PTK2: variants seen among roughly 807,000 people sequenced by gnomAD.
PTK2 encodes the protein protein tyrosine kinase 2.
Under a neutral mutation model 150.1 loss-of-function variants are expected in PTK2, and 45 were observed. The ratio of observed to expected loss-of-function variants is 0.30; its 90% CI spans 0.24 to 0.38. The LOEUF (loss-of-function observed/expected upper bound fraction) is 0.38, where lower values mean the gene tolerates loss of function less well. Ranked by LOEUF, PTK2 falls within the 10% of genes least tolerant of loss-of-function variation. PTK2 has a pLI of 1.00. For missense variants in PTK2, 919 were observed against 1,307.3 expected, an observed-to-expected ratio of 0.70 and a Z score of 4.58; for synonymous variants, 432 against 449.2, an observed-to-expected ratio of 0.96 and a Z score of 0.48.
intron 23 of PTK2, among the ~76,000 whole-genome samples, chr8:140,711,723 G>A (rs910299327): frequency 3.3e-5 from 5 of 152,136 alleles, no homozygotes; most frequent in East Asian, 1.9e-4. Context: ...TGTATTCATG[G>A]TGAGTCCACA....
intron 14 of PTK2, among the ~76,000 whole-genome samples, chr8:140,781,280 T>C: frequency 6.6e-6 from 1 of 152,220 alleles, no homozygotes; most frequent in East Asian, 1.9e-4. Flanking sequence ...TTGGGCTTTT[T>C]GTGTTTTAAT....
intron 26 of PTK2, among the ~76,000 whole-genome samples, chr8:140,697,028 G>A (rs1174681070): frequency 2.6e-5 from 4 of 151,316 alleles, no homozygotes; most frequent in Admixed American, 2.6e-4. Context: ...CAGCTACTTG[G>A]GAGGCTGAGG....
chr8:140,675,273 A>T (rs1432314685), intron 28 of PTK2, among the ~76,000 whole-genome samples, 187 bp downstream of exon 31: 1 of 150,930 alleles, frequency 6.6e-6, no homozygotes, highest in African/African-American at 2.4e-5. Flanking sequence ...CTGATGCATT[A>T]TACCAACAAA....
chr8:140,671,759 C>CAAAA (rs35706231), intron 29 of PTK2, among the ~76,000 whole-genome samples: 5 of 94,176 alleles, frequency 5.3e-5, no homozygotes, highest in African/African-American at 1.9e-4. Context: ...TAAAAATACC[C>CAAAA]AAAAAAAAAA....
At chr8:140,679,630 C>T (rs2100015959) in intron 27 of PTK2, among the ~76,000 whole-genome samples, 1 of 152,136 alleles carries the variant, frequency 6.6e-6, no homozygotes, top group Admixed American at 6.5e-5. Context: ...TAAACTGAGG[C>T]TAATAACACT....
At chr8:140,716,658 T>A (rs1050147963) in intron 23 of PTK2, among the ~76,000 whole-genome samples, 2 of 152,154 alleles carry the variant, frequency 1.3e-5, no homozygotes, top group African/African-American at 4.8e-5. Context: ...GATAAAAAAA[T>A]TGGTATATTT....
Position 140,890,635 on chromosome 8 carries a change from G to A in PTK2, c.103C>T (p.Arg35Ter). 1 of 1,613,938 alleles carries A rather than the reference G, an allele frequency of 6.2e-7. No homozygotes were observed. Among genetic ancestry groups the A allele is most frequent in the Non-Finnish European group, 8.5e-7 (1 of 1,179,976 alleles). ...AAATAATGAAAGACCTTTAATACTC[G>A]CTCCATTGCACCAGGAGAACGTTCC... The change falls in exon 3 of 32, where the codon CGA becomes TGA. Residue 35 changes from arginine (R) to a stop codon, truncating the protein, a stop_gained. Transcript: ENST00000522684. LOFTEE classifies it high-confidence loss of function.
intron 1 of PTK2, among the ~76,000 whole-genome samples, chr8:140,963,107 C>A (rs955124872): frequency 3.3e-5 from 5 of 152,032 alleles, no homozygotes; most frequent in Admixed American, 6.6e-5. Context: ...CACGCACGAA[C>A]CTTAAGGCCT....
chr8:140,828,528 C>A (rs1235642547), intron 8 of PTK2, among the ~76,000 whole-genome samples: 1 of 152,294 alleles, frequency 6.6e-6, no homozygotes, highest in East Asian at 1.9e-4. Context: ...GGAGACTTTG[C>A]AATAATTCTG....
At chr8:140,999,439 T>C (rs1484595848) in intron 1 of PTK2, among the ~76,000 whole-genome samples, 2 of 152,216 alleles carry the variant, frequency 1.3e-5, no homozygotes, top group Non-Finnish European at 2.9e-5. Flanking sequence ...TGATGGTAGG[T>C]TCAGCCTGTT....
chr8:140,982,081 A>AAAAAAAAAAC (rs144602670), intron 1 of PTK2, among the ~76,000 whole-genome samples: 1 of 146,574 alleles, frequency 6.8e-6, no homozygotes, highest in Non-Finnish European at 1.5e-5. Flanking sequence ...AAAAAAAAAA[A>AAAAAAAAAAC]AATGACTCAG....
intron 5 of PTK2, among the ~76,000 whole-genome samples, chr8:140,856,601 C>A (rs1201283866): frequency 1.3e-5 from 2 of 152,054 alleles, no homozygotes; most frequent in Non-Finnish European, 2.9e-5. Flanking sequence ...AACACAGGAG[C>A]AATGGTTGCT....
chr8:140,846,710 G>T, intron 5 of PTK2, 32 bp from the exon 6 acceptor site: 1 of 1,496,096 alleles, frequency 6.7e-7, no homozygotes, highest in Non-Finnish European at 9.2e-7. Flanking sequence ...AAACAACACT[G>T]TTTTAAAAGA....
At chr8:140,813,639 GT>G (rs2100102904) in intron 10 of PTK2, among the ~76,000 whole-genome samples, 1 of 152,170 alleles carries the variant, frequency 6.6e-6, no homozygotes, top group Non-Finnish European at 1.5e-5. Context: ...TGGGACACAG[GT>G]AAGGCAGTGT....
At chr8:140,935,363 G>A (rs1444860937) in intron 1 of PTK2, among the ~76,000 whole-genome samples, 1 of 152,010 alleles carries the variant, frequency 6.6e-6, no homozygotes, top group Non-Finnish European at 1.5e-5. Flanking sequence ...AGGTCCAGAG[G>A]TAAGCACCTA....
intron 1 of PTK2, among the ~76,000 whole-genome samples, chr8:140,930,887 A>AAC (rs2100171443): frequency 6.6e-6 from 1 of 152,120 alleles, no homozygotes; most frequent in South Asian, 2.1e-4. Context: ...CAGCCTGAGT[A>AAC]ACATGGTGAA....
At chr8:140,921,050 T>G in intron 2 of PTK2, 4 of 1,314,398 alleles carry the variant, frequency 3.0e-6, no homozygotes, top group Non-Finnish European at 3.9e-6. Context: ...TGAAGCAAAA[T>G]TTGGAAGGTG....
chr8:140,790,914 T>A (rs904070268), intron 13 of PTK2, among the ~76,000 whole-genome samples: 4 of 152,206 alleles, frequency 2.6e-5, no homozygotes, highest in African/African-American at 7.2e-5. Context: ...CCTGTTGTGC[T>A]GCCAAAACAC....
chr8:140,970,346 G>T (rs1034996890), intron 1 of PTK2, among the ~76,000 whole-genome samples: 3 of 152,234 alleles, frequency 2.0e-5, no homozygotes, highest in African/African-American at 7.2e-5. Context: ...TCAGAGAAGT[G>T]AAACATCAGT....
Sources: gnomAD v4.1 joint callset for allele counts (sites outside exome capture counted in the v4.1 genomes callset) on GRCh38, gnomAD v4.1.1 for gene constraint, MANE v1.5 for transcripts, NCBI Gene and HGNC (gene_info 2026-07-23, HGNC 2026-07-21) for gene names.